The following ANK3 variants were observed in gnomAD, a reference collection of about 807,000 sequenced individuals.
ANK3 encodes the protein ankyrin 3.
In ANK3, 57 loss-of-function variants were observed where a neutral mutation model predicts 370.9. That is an observed-to-expected ratio of 0.15 (90% CI 0.12 to 0.19). The LOEUF (loss-of-function observed/expected upper bound fraction) is 0.19, where lower values mean the gene tolerates loss of function less well. Among genes scored for constraint, ANK3 ranks in the 10% least tolerant of loss-of-function variants. ANK3 has a pLI of 1.00. For missense variants in ANK3, 4,439 were observed against 5,302.1 expected (o/e 0.84, Z 5.06); for synonymous variants, 1,929 against 1,946.3 (o/e 0.99, Z 0.23).
intron 2 of ANK3, among the ~76,000 whole-genome samples, chr10:60,563,119 T>G: frequency 6.6e-6 from 1 of 152,242 alleles, no homozygotes; most frequent in East Asian, 1.9e-4. Context: ...TTCATTAAAT[T>G]CACTGGGTTT....
intron 1 of ANK3, among the ~76,000 whole-genome samples, chr10:60,655,196 C>T (rs1314544511): frequency 6.6e-6 from 1 of 151,074 alleles, no homozygotes; most frequent in East Asian, 1.9e-4. Flanking sequence ...GAGCATACTC[C>T]TATTTATTTA....
chr10:60,160,994 C>A (rs2095484988), intron 23 of ANK3, among the ~76,000 whole-genome samples: 1 of 152,112 alleles, frequency 6.6e-6, no homozygotes. Context: ...CCAGGACACC[C>A]ACTTTCATCA....
At chr10:60,119,537 T>C (rs902996677) in intron 25 of ANK3, among the ~76,000 whole-genome samples, 4 of 151,970 alleles carry the variant, frequency 2.6e-5, no homozygotes, top group Non-Finnish European at 5.9e-5. Context: ...GAGGCTGAGG[T>C]GGGTGGATCA....
At chr10:60,193,004 A>C (rs1398058930) in intron 16 of ANK3, among the ~76,000 whole-genome samples, 1 of 152,076 alleles carries the variant, frequency 6.6e-6, no homozygotes, top group African/African-American at 2.4e-5. Flanking sequence ...CCAATACCTA[A>C]AATTATATGA....
At chr10:60,448,432 C>T (rs1047847488) in intron 2 of ANK3, among the ~76,000 whole-genome samples, 16 of 152,164 alleles carry the variant, frequency 1.1e-4, no homozygotes, top group Non-Finnish European at 5.9e-5. Flanking sequence ...GTGAGAACTG[C>T]CCTGGCAGAG....
intron 2 of ANK3, chr10:60,615,069 G>T: frequency 1.6e-6 from 1 of 627,100 alleles, no homozygotes; most frequent in African/African-American, 1.9e-5. Flanking sequence ...ACAATAAACT[G>T]GTTTAAAAGG....
chr10:60,295,844 C>T (rs570740196), intron 1 of ANK3, among the ~76,000 whole-genome samples: 25 of 152,116 alleles, frequency 1.6e-4, no homozygotes, highest in African/African-American at 3.1e-4. Context: ...TGAAACATAA[C>T]GGTATTTTCC....
At chr10:60,472,820 T>C (rs879673275) in intron 2 of ANK3, among the ~76,000 whole-genome samples, 4 of 152,146 alleles carry the variant, frequency 2.6e-5, no homozygotes, top group Admixed American at 6.6e-5. Context: ...GAACAACTTA[T>C]CATAATAAAG....
intron 29 of ANK3, among the ~76,000 whole-genome samples, chr10:60,087,478 T>C (rs758129535): frequency 4.6e-5 from 7 of 152,292 alleles, no homozygotes; most frequent in Admixed American, 1.3e-4. Context: ...TTAAAGGTCA[T>C]CTCAGGACTT....
At chr10:60,104,450 C>T (rs146860602) in intron 28 of ANK3, among the ~76,000 whole-genome samples, 4 of 144,024 alleles carry the variant, frequency 2.8e-5, no homozygotes, top group Admixed American at 6.8e-5. Context: ...ACATTTGGAC[C>T]CCAGCCTTAC....
intron 9 of ANK3, among the ~76,000 whole-genome samples, chr10:60,212,009 G>GA (rs924424053): frequency 3.3e-5 from 5 of 149,920 alleles, no homozygotes; most frequent in Non-Finnish European, 5.9e-5. Flanking sequence ...AAAGGTAACA[G>GA]AAAAAAATGT....
At chr10:60,264,367 C>A (rs28595317) in intron 5 of ANK3, among the ~76,000 whole-genome samples, 2,611 of 152,050 alleles carry the variant, frequency 0.017, 69 homozygotes, top group African/African-American at 0.059. Flanking sequence ...ATCTCAGGGC[C>A]AGGTGCGGTG....
rs374257526 is a variant in ANK3 at position 60,178,766 on chromosome 10, A to G, written c.2184+2563T>C. Among the ~76,000 whole-genome samples the G allele has an allele frequency of 3.3e-5, 5 of 152,330 alleles. No homozygotes were observed. In the East Asian group the frequency reaches 9.6e-4, roughly 29 times the overall value. On this transcript the variant is annotated intron_variant, in intron 18 of 43. Transcript: ENST00000280772. ...CCTAATTAGTGTCCTCTAAGAATCA[A>G]TGCCTTTCAGGGGTGGTCTAAATAA...
At chr10:60,290,807 AAAC>A (rs2041189175) in intron 1 of ANK3, among the ~76,000 whole-genome samples, 1 of 152,176 alleles carries the variant, frequency 6.6e-6, no homozygotes. Context: ...CTGAAAGGCA[AAAC>A]AACATTCCCA....
chr10:60,300,828 A>G (rs1451421415), intron 1 of ANK3, among the ~76,000 whole-genome samples: 1 of 151,970 alleles, frequency 6.6e-6, no homozygotes, highest in Non-Finnish European at 1.5e-5. Flanking sequence ...GTCAGGCTTG[A>G]CTTTTATTAT....
At chr10:60,558,694 A>G (rs2077264820) in intron 2 of ANK3, among the ~76,000 whole-genome samples, 2 of 152,242 alleles carry the variant, frequency 1.3e-5, no homozygotes, top group Admixed American at 6.5e-5. Flanking sequence ...AATCTTACAC[A>G]AATATATTAA....
intron 1 of ANK3, among the ~76,000 whole-genome samples, chr10:60,371,028 A>T (rs571636545): frequency 6.6e-6 from 1 of 152,298 alleles, no homozygotes; most frequent in South Asian, 2.1e-4. Context: ...CATCACTGAC[A>T]GGTTCTTTCG....
intron 1 of ANK3, among the ~76,000 whole-genome samples, chr10:60,329,333 A>G (rs185287522): frequency 2.6e-4 from 40 of 152,326 alleles, no homozygotes; most frequent in Middle Eastern, 3.4e-3. Context: ...GGAAGAGAGG[A>G]AATCAAACTG....
At chr10:60,216,765 T>G (rs2096943853) in intron 8 of ANK3, among the ~76,000 whole-genome samples, 1 of 152,208 alleles carries the variant, frequency 6.6e-6, no homozygotes, top group African/African-American at 2.4e-5. Flanking sequence ...GGTATCAGGA[T>G]GATGCTGGCT....
Sources: allele counts gnomAD v4.1 joint callset (sites outside exome capture counted in the v4.1 genomes callset), GRCh38; gene constraint gnomAD v4.1.1; transcripts MANE v1.5; gene names NCBI Gene and HGNC (gene_info 2026-07-23, HGNC 2026-07-21).